CFAP92: variants seen among roughly 807,000 people sequenced by gnomAD.
CFAP92 encodes cilia and flagella associated protein 92 (putative).
Under a neutral mutation model 106.3 loss-of-function variants are expected in CFAP92, and 86 were observed. The observed-to-expected ratio is 0.81, with a 90% CI of 0.68 to 0.97. The LOEUF (loss-of-function observed/expected upper bound fraction) is 0.97, where lower values mean the gene tolerates loss of function less well. Among genes scored for constraint, CFAP92 ranks in the 50% least tolerant of loss-of-function variants. The pLI is 0.00. For missense variants in CFAP92, 1,204 were observed against 1,283.8 expected, an observed-to-expected ratio of 0.94 and a Z score of 0.95; for synonymous variants, 477 against 506.4, an observed-to-expected ratio of 0.94 and a Z score of 0.78.
At chr3:128,921,435 C>T (rs999173163) in intron 12 of CFAP92, among the ~76,000 whole-genome samples, 1 of 152,168 alleles carries the variant, frequency 6.6e-6, no homozygotes, top group Non-Finnish European at 1.5e-5. Flanking sequence ...TGCTATTAGA[C>T]CCCTGACAGG....
At chr3:129,023,405 T>TGCAA in the CFAP92 span, among the ~76,000 whole-genome samples, 1 of 151,684 alleles carries the variant, frequency 6.6e-6, no homozygotes, top group Non-Finnish European at 1.5e-5. Flanking sequence ...CTTGGCTCAC[T>TGCAA]GCAAGCTCTG....
intron 9 of CFAP92, among the ~76,000 whole-genome samples, chr3:128,962,284 A>G (rs954730470): frequency 2.0e-5 from 3 of 152,048 alleles, no homozygotes; most frequent in Admixed American, 6.5e-5. Context: ...TACGGAGGCT[A>G]CCCACTCCAC....
rs570816209 is a variant in CFAP92 at position 128,960,891 on chromosome 3, G to A, written c.1353+4620C>T. On this transcript the variant is annotated intron_variant, in intron 9 of 15. Transcript: ENST00000645291. Reference sequence around the variant, plus strand: ...CAACCCCTTCTCCTTCACCCTTAGCGGCAAGTCCCGCTTTTCTAGGGGGCA... The same window carrying A: ...CAACCCCTTCTCCTTCACCCTTAGCAGCAAGTCCCGCTTTTCTAGGGGGCA... Among the ~76,000 whole-genome samples the A allele has an allele frequency of 1.1e-4, 16 of 152,056 alleles. No homozygotes were observed. In the East Asian group the frequency reaches 1.4e-3, roughly 13 times the overall value.
intron 4 of CFAP92, among the ~76,000 whole-genome samples, chr3:128,980,040 G>C (rs1943429612): frequency 6.7e-6 from 1 of 150,034 alleles, no homozygotes; most frequent in Non-Finnish European, 1.5e-5. Flanking sequence ...AGGGAAGAGA[G>C]AAAGGAAGAA....
chr3:128,932,757 C>T lies in CFAP92; in HGVS notation c.2694G>A (p.Leu898=), dbSNP rs1490150372. The T allele has an allele frequency of 1.3e-6, 2 of 1,535,790 alleles. No individual in the cohort carries two copies. The highest frequency in any genetic ancestry group is 1.7e-6 in the Non-Finnish European group (2 of 1,146,896). The change falls in exon 12 of 16, where the codon CTG becomes CTA. Residue 898 remains leucine (L), a synonymous_variant. Transcript: ENST00000645291. ...TCATAAGCATGGCACTCCGCCACTG[C>T]AGGTACTTCTCCTGGTGGGCGTGGA... ...LEIHAHQEKY[L]QWRSAMLMKN...
At chr3:128,918,509 A>G (rs1382902791) in intron 12 of CFAP92, among the ~76,000 whole-genome samples, 1 of 152,190 alleles carries the variant, frequency 6.6e-6, no homozygotes, top group Admixed American at 6.6e-5. Context: ...CTCTTTGGAG[A>G]AATTCAAAAT....
chr3:129,002,011 A>AGGCGCGCCTGGCGC, intron 1 of CFAP92: 4 of 1,545,968 alleles, frequency 2.6e-6, no homozygotes, highest in Non-Finnish European at 3.5e-6. Context: ...ACCGATGAAG[A>AGGCGCGCCTGGCGC]GGCGCGCCTG....
At chr3:129,024,238 A>C in the CFAP92 span, among the ~76,000 whole-genome samples, 1 of 152,124 alleles carries the variant, frequency 6.6e-6, no homozygotes, top group Non-Finnish European at 1.5e-5. Flanking sequence ...TTATAAAGAA[A>C]AGAAATTTGG....
At chr3:128,985,214 T>C (rs1045466709) in intron 4 of CFAP92, among the ~76,000 whole-genome samples, 8 of 152,172 alleles carry the variant, frequency 5.3e-5, no homozygotes, top group African/African-American at 1.7e-4. Context: ...ATCCCAGCAC[T>C]TTAGGAGGCC....
At chr3:128,993,538 G>C (rs750950841) in intron 1 of CFAP92, 119 of 585,520 alleles carry the variant, frequency 2.0e-4, no homozygotes, top group Middle Eastern at 4.6e-4. Context: ...AGGAACAACA[G>C]ATAAGGGTGG....
chr3:128,975,683 G>A, intron 7 of CFAP92, 96 bp downstream of exon 7: 1 of 1,061,088 alleles, frequency 9.4e-7, no homozygotes, highest in Non-Finnish European at 1.3e-6. Flanking sequence ...TGTCAAATAT[G>A]CAAGAATCTC....
At chr3:128,962,229 G>A (rs1026521084) in intron 9 of CFAP92, among the ~76,000 whole-genome samples, 6 of 152,108 alleles carry the variant, frequency 3.9e-5, no homozygotes, top group South Asian at 4.1e-4. Flanking sequence ...CCGAGCTTCC[G>A]GTAACTCTCA....
At chr3:128,956,837 A>G (rs138215543) in intron 9 of CFAP92, among the ~76,000 whole-genome samples, 5,964 of 152,074 alleles carry the variant, frequency 0.039, 297 homozygotes, top group African/African-American at 0.11. Context: ...AAAATTAGCC[A>G]GGCATGGTGG....
intron 12 of CFAP92, among the ~76,000 whole-genome samples, chr3:128,924,432 C>CTTTTTTTTTT (rs71153151): frequency 2.9e-5 from 2 of 69,824 alleles, no homozygotes; most frequent in African/African-American, 5.6e-5. Flanking sequence ...ACGATTGTAT[C>CTTTTTTTTTT]TTTTTTTTTT....
chr3:128,995,187 A>G (rs1013013673), upstream of CFAP92, among the ~76,000 whole-genome samples: 11 of 152,284 alleles, frequency 7.2e-5, no homozygotes, highest in African/African-American at 2.6e-4. Flanking sequence ...AAAGAGCAAA[A>G]CTGTGGCGCA....
chr3:128,978,310 A>C, intron 4 of CFAP92, 125 bp from the exon 5 acceptor site: 2 of 902,812 alleles, frequency 2.2e-6, no homozygotes, highest in Non-Finnish European at 3.4e-6. Flanking sequence ...AGTAAATATC[A>C]CAATAAAGTG....
intron 12 of CFAP92, among the ~76,000 whole-genome samples, chr3:128,916,629 C>T (rs1339517856): frequency 1.3e-5 from 2 of 152,192 alleles, no homozygotes; most frequent in African/African-American, 4.8e-5. Flanking sequence ...CCTAAAGCAG[C>T]AAGGACTGCC....
chr3:129,013,476 TTTATC>T, the CFAP92 span, among the ~76,000 whole-genome samples: 1 of 152,216 alleles, frequency 6.6e-6, no homozygotes, highest in African/African-American at 2.4e-5. Context: ...CTTTCTATCC[TTTATC>T]TTGTCTTTCT....
chr3:128,912,748 C>T, intron 15 of CFAP92: 1 of 842,402 alleles, frequency 1.2e-6, no homozygotes, highest in Non-Finnish European at 2.0e-6. Flanking sequence ...GGGTTGTCGC[C>T]TGGCCTGGGA....
Sources: gnomAD v4.1 joint callset for allele counts (sites outside exome capture counted in the v4.1 genomes callset) on GRCh38, gnomAD v4.1.1 for gene constraint, MANE v1.5 for transcripts, NCBI Gene and HGNC (gene_info 2026-07-23, HGNC 2026-07-21) for gene names.